CLUL1: variants seen among roughly 807,000 people sequenced by gnomAD.
CLUL1 encodes the protein clusterin like 1, also known as clusterin-like protein 1.
Under a neutral mutation model 49.4 loss-of-function variants are expected in CLUL1, and 43 were observed. That is an observed-to-expected ratio of 0.87 (90% CI 0.68 to 1.12). The LOEUF (loss-of-function observed/expected upper bound fraction) is 1.12. Among genes scored for constraint, CLUL1 ranks in the 50% most tolerant of loss-of-function variants. The pLI, the probability that CLUL1 is intolerant of heterozygous loss-of-function variation, is 0.00. For missense variants in CLUL1, 486 were observed against 544.4 expected, an observed-to-expected ratio of 0.89 and a Z score of 1.07; for synonymous variants, 192 against 184.9, an observed-to-expected ratio of 1.04 and a Z score of -0.31.
In CLUL1 at chr18:632,328, A is replaced by G. The variant is rs530945573; in HGVS notation, c.857-970A>G. ...CACATACTCGCACACATATGTGTGT[A>G]TATATATGTGTGTGTGTGTGTGTGT... is the stretch of plus-strand genomic sequence containing the variant. On this transcript the variant is annotated intron_variant, in intron 6 of 9. Coordinates refer to ENST00000692774, the MANE Select transcript of CLUL1 (RefSeq NM_001393344.1). Among the ~76,000 whole-genome samples, 17 of 108,434 alleles carry G rather than the reference A, an allele frequency of 1.6e-4. No individual in the cohort carries two copies. The South Asian group carries it at 5.2e-3, about 33-fold the overall frequency. The allele number at this position is 108,434 out of a possible 152,430, so 71.1% of individuals were successfully genotyped here.
At chr18:613,379 C>A (rs886919258) in intron 2 of CLUL1, 7 of 266,578 alleles carry the variant, frequency 2.6e-5, no homozygotes, top group African/African-American at 1.6e-4. Flanking sequence ...CCCAAGTGAT[C>A]TGCCTGCCTC....
chr18:602,658 C>CAGG (rs2072865024), intron 1 of CLUL1, among the ~76,000 whole-genome samples: 1 of 152,128 alleles, frequency 6.6e-6, no homozygotes. Context: ...GAGGAAGAGA[C>CAGG]AGGTAATAAT....
intron 9 of CLUL1, among the ~76,000 whole-genome samples, chr18:648,575 G>A (rs1195453211): frequency 6.6e-6 from 1 of 151,446 alleles, no homozygotes; most frequent in Non-Finnish European, 1.5e-5. Flanking sequence ...ACATCTTATT[G>A]TTCTGGATAT....
chr18:611,713 A>G (rs1311650124), intron 2 of CLUL1, among the ~76,000 whole-genome samples: 1 of 152,202 alleles, frequency 6.6e-6, no homozygotes, highest in East Asian at 1.9e-4. Flanking sequence ...GATGCTTTAA[A>G]ATCAGTTGCT....
chr18:645,671 G>A (rs2074453833), intron 9 of CLUL1, among the ~76,000 whole-genome samples: 1 of 149,026 alleles, frequency 6.7e-6, no homozygotes. Flanking sequence ...GCGGGCGCCT[G>A]TAGTCCCAGC....
At chr18:613,656 T>C (rs1031634830) in intron 2 of CLUL1, among the ~76,000 whole-genome samples, 6 of 151,522 alleles carry the variant, frequency 4.0e-5, no homozygotes, top group African/African-American at 1.5e-4. Flanking sequence ...GGTTTCACCA[T>C]GTTGACCAGG....
chr18:641,124 AT>A (rs750535150), intron 7 of CLUL1, among the ~76,000 whole-genome samples: 7 of 152,244 alleles, frequency 4.6e-5, no homozygotes, highest in Non-Finnish European at 7.3e-5. Context: ...ACATAAAACC[AT>A]ATAATTAACA....
intron 7 of CLUL1, among the ~76,000 whole-genome samples, chr18:637,188 G>A (rs1481391149): frequency 2.0e-5 from 3 of 151,736 alleles, no homozygotes; most frequent in East Asian, 2.0e-4. Context: ...GGGTTTCACC[G>A]TGTTAGCCAG....
At chr18:637,811 T>C (rs1391158858) in intron 7 of CLUL1, among the ~76,000 whole-genome samples, 1 of 151,948 alleles carries the variant, frequency 6.6e-6, no homozygotes, top group African/African-American at 2.4e-5. Flanking sequence ...CCCGTTCTAC[T>C]AAAAATACAA....
chr18:616,077 A>G (rs563333), intron 2 of CLUL1, among the ~76,000 whole-genome samples: 142,758 of 152,090 alleles, frequency 0.94, 67,658 homozygotes, highest in Non-Finnish European at 1. Context: ...TTCAGTTGCC[A>G]GAGAGACCCA....
intron 7 of CLUL1, among the ~76,000 whole-genome samples, chr18:639,328 G>T (rs1010666497): frequency 6.6e-6 from 1 of 151,252 alleles, no homozygotes; most frequent in Non-Finnish European, 1.5e-5. Context: ...CTACTCAGGA[G>T]GCTGAGGCAG....
intron 1 of CLUL1, among the ~76,000 whole-genome samples, chr18:599,348 A>G (rs1567952046): frequency 6.6e-6 from 1 of 152,194 alleles, no homozygotes; most frequent in Non-Finnish European, 1.5e-5. Context: ...TTTATCTATG[A>G]AACAGGATTG....
intron 2 of CLUL1, among the ~76,000 whole-genome samples, chr18:608,498 T>C (rs1215057141): frequency 1.4e-5 from 2 of 145,232 alleles, no homozygotes; most frequent in Non-Finnish European, 3.0e-5. Flanking sequence ...ACAATTTTGA[T>C]TAAAACAAAC....
chr18:622,816 C>A (rs1365239860), intron 4 of CLUL1, among the ~76,000 whole-genome samples: 1 of 152,074 alleles, frequency 6.6e-6, no homozygotes, highest in East Asian at 1.9e-4. Flanking sequence ...AATGCAAAGA[C>A]CTTGAGAAGT....
intron 5 of CLUL1, among the ~76,000 whole-genome samples, chr18:625,750 A>C (rs562376899): frequency 1.3e-5 from 2 of 152,270 alleles, no homozygotes; most frequent in South Asian, 4.1e-4. Flanking sequence ...TGAATACAAA[A>C]TTGAGTGGAA....
At chr18:631,041 T>C (rs924259098) in intron 6 of CLUL1, among the ~76,000 whole-genome samples, 2 of 152,120 alleles carry the variant, frequency 1.3e-5, no homozygotes, top group African/African-American at 4.8e-5. Context: ...GCAAGTTCCG[T>C]GTGGCAACCT....
chr18:638,600 G>T (rs2074228736), intron 7 of CLUL1, among the ~76,000 whole-genome samples: 1 of 152,180 alleles, frequency 6.6e-6, no homozygotes. Context: ...GCTCATCCCT[G>T]TAATTCCAGG....
At chr18:640,027 T>A (rs945463046) in intron 7 of CLUL1, among the ~76,000 whole-genome samples, 1 of 152,150 alleles carries the variant, frequency 6.6e-6, no homozygotes, top group African/African-American at 2.4e-5. Context: ...CAGACCAAAA[T>A]AATTTACATC....
intron 2 of CLUL1, 129 bp from the exon 3 acceptor site, chr18:617,859 A>AT: frequency 5.7e-6 from 4 of 696,900 alleles, no homozygotes; most frequent in Non-Finnish European, 9.9e-6. Flanking sequence ...GCACATTAGC[A>AT]TAAGTTGTCT....
Sources: gnomAD v4.1 joint callset for allele counts (sites outside exome capture counted in the v4.1 genomes callset) on GRCh38, gnomAD v4.1.1 for gene constraint, MANE v1.5 for transcripts, NCBI Gene and HGNC (gene_info 2026-07-23, HGNC 2026-07-21) for gene names.